The following CELF4 variants were observed in gnomAD, a reference collection of about 807,000 sequenced individuals.
CELF4 encodes the protein CUG-BP- and ETR-3-like factor 4.
In CELF4, 18 loss-of-function variants were observed where a neutral mutation model predicts 59.9. That is an observed-to-expected ratio of 0.30 (90% CI 0.21 to 0.45). CELF4 has a LOEUF of 0.45. CELF4 is among the 20% of genes least tolerant of loss of function. CELF4 has a pLI of 1.00. For missense variants in CELF4, 456 were observed against 689.0 expected, an observed-to-expected ratio of 0.66 and a Z score of 3.79; for synonymous variants, 261 against 267.1, an observed-to-expected ratio of 0.98 and a Z score of 0.22.
chr18:37,355,344 T>C lies in CELF4; in HGVS notation c.370-33463A>G, dbSNP rs150265505. On this transcript the variant is annotated intron_variant, in intron 2 of 12. Transcript: ENST00000420428. ...GTATATCTCTGTGTGTGCAGGTACATGTGGTGTAACATGGAAAGCTATAAA... is the reference window on the plus strand; with the variant it reads ...GTATATCTCTGTGTGTGCAGGTACACGTGGTGTAACATGGAAAGCTATAAA... Among the ~76,000 whole-genome samples, 244 of 152,230 alleles carry C rather than the reference T, an allele frequency of 1.6e-3. 2 individuals are homozygous for C. The highest frequency in any genetic ancestry group is 5.7e-3 in the African/African-American group (237 of 41,528).
chr18:37,504,075 T>C (rs2099934769), intron 1 of CELF4, among the ~76,000 whole-genome samples: 1 of 152,222 alleles, frequency 6.6e-6, no homozygotes, highest in Non-Finnish European at 1.5e-5. Flanking sequence ...ACGTGGGTTT[T>C]ATGCTCACAG....
intron 1 of CELF4, among the ~76,000 whole-genome samples, chr18:37,508,470 G>A (rs2099940660): frequency 6.6e-6 from 1 of 152,206 alleles, no homozygotes; most frequent in South Asian, 2.1e-4. Flanking sequence ...CAGCAGCTGA[G>A]GTCTTTTGCG....
At chr18:37,565,084 C>T (rs961201865) in intron 1 of CELF4, among the ~76,000 whole-genome samples, 17 of 152,160 alleles carry the variant, frequency 1.1e-4, no homozygotes, top group African/African-American at 3.4e-4. Context: ...GCCCCGTCTC[C>T]TCGATCCCCT....
chr18:37,344,657 C>T (rs2098183471), intron 2 of CELF4, among the ~76,000 whole-genome samples: 2 of 152,208 alleles, frequency 1.3e-5, no homozygotes, highest in African/African-American at 4.8e-5. Flanking sequence ...ATGTGCACAG[C>T]TTTCTGTATT....
intron 2 of CELF4, among the ~76,000 whole-genome samples, chr18:37,344,984 C>T (rs558713747): frequency 6.6e-6 from 1 of 152,306 alleles, no homozygotes; most frequent in South Asian, 2.1e-4. Context: ...CCTGCCAGAA[C>T]CCACTTCCTG....
chr18:37,467,569 G>T (rs2154602410), intron 2 of CELF4, among the ~76,000 whole-genome samples: 1 of 152,292 alleles, frequency 6.6e-6, no homozygotes, highest in Middle Eastern at 3.4e-3. Flanking sequence ...CCACAGGGGA[G>T]CAGGCAGAGG....
chr18:37,260,521 G>A (rs573285299), intron 10 of CELF4, among the ~76,000 whole-genome samples: 1 of 152,304 alleles, frequency 6.6e-6, no homozygotes, highest in East Asian at 1.9e-4. Context: ...TGGAAACCTA[G>A]GCATGAGCTC....
chr18:37,347,780 G>A (rs1230551816), intron 2 of CELF4, among the ~76,000 whole-genome samples: 3 of 152,182 alleles, frequency 2.0e-5, no homozygotes, highest in South Asian at 4.1e-4. Flanking sequence ...GGTTGCAGCA[G>A]GTGAGAGGCC....
chr18:37,505,423 G>A (rs1307490377), intron 1 of CELF4, among the ~76,000 whole-genome samples: 2 of 152,234 alleles, frequency 1.3e-5, no homozygotes, highest in Non-Finnish European at 2.9e-5. Context: ...CATCCACCAT[G>A]GGGTCTGCCT....
intron 2 of CELF4, among the ~76,000 whole-genome samples, chr18:37,407,979 T>A (rs559998105): frequency 1.4e-4 from 22 of 152,304 alleles, no homozygotes; most frequent in African/African-American, 5.1e-4. Context: ...AAAGGATTTT[T>A]AAAAGGACTG....
chr18:37,343,918 TC>T (rs1489067258), intron 2 of CELF4, among the ~76,000 whole-genome samples: 1 of 152,080 alleles, frequency 6.6e-6, no homozygotes, highest in Non-Finnish European at 1.5e-5. Context: ...CTTCCCTCCC[TC>T]CTTCACCCTG....
chr18:37,478,258 C>A (rs561652980), intron 2 of CELF4, among the ~76,000 whole-genome samples: 1 of 152,166 alleles, frequency 6.6e-6, no homozygotes, highest in Non-Finnish European at 1.5e-5. Flanking sequence ...AGGGAGGGTC[C>A]GGGCTCATTG....
At chr18:37,443,814 C>T (rs183025374) in intron 2 of CELF4, among the ~76,000 whole-genome samples, 1 of 152,290 alleles carries the variant, frequency 6.6e-6, no homozygotes, top group Non-Finnish European at 1.5e-5. Flanking sequence ...CATAATTCAT[C>T]CGCCCTCCAT....
intron 3 of CELF4, chr18:37,306,462 C>T (rs902585587): frequency 1.3e-5 from 2 of 152,364 alleles, no homozygotes; most frequent in Non-Finnish European, 2.9e-5. Flanking sequence ...TGCCCCAGGA[C>T]AGGGGACACA....
rs1034939549 is a variant in CELF4 at position 37,245,927 on chromosome 18, C to G, written c.*45-730G>C. ...ACTTCAAGGGAGTGGATGGGAAAAC[C>G]TAAAAAAGGTCAGAAGAGATTTAAT... On this transcript the variant is annotated intron_variant, in intron 12 of 12. Transcript: ENST00000420428. This position sits in a 1 kb window ranked among gnomAD's most constrained non-coding sequence, Gnocchi z 4.1. 1.3e-5 allele frequency among the ~76,000 whole-genome samples: 2 copies of G among 152,012 alleles called. No individual in the cohort carries two copies. Among genetic ancestry groups the G allele is most frequent in the African/African-American group, 4.8e-5 (2 of 41,388 alleles).
chr18:37,326,702 G>A (rs986509022), intron 2 of CELF4, among the ~76,000 whole-genome samples: 8 of 152,146 alleles, frequency 5.3e-5, no homozygotes, highest in South Asian at 2.1e-4. Context: ...ACTTCCAGCC[G>A]GGCGCCCCTC....
intron 2 of CELF4, among the ~76,000 whole-genome samples, chr18:37,433,586 T>C (rs547658982): frequency 2.6e-5 from 4 of 152,216 alleles, no homozygotes; most frequent in African/African-American, 4.8e-5. Flanking sequence ...TTGGGAGTTA[T>C]CTCAAAGTGC....
At chr18:37,486,399 C>G (rs1400656855) in intron 1 of CELF4, among the ~76,000 whole-genome samples, 1 of 145,118 alleles carries the variant, frequency 6.9e-6, no homozygotes, top group African/African-American at 2.5e-5. Context: ...GGCCACACCC[C>G]ACCTCCTCGC....
intron 3 of CELF4, among the ~76,000 whole-genome samples, chr18:37,292,891 C>T (rs1251791827): frequency 1.3e-5 from 2 of 152,176 alleles, no homozygotes; most frequent in African/African-American, 4.8e-5. Context: ...GTAAATTAGT[C>T]ATTAGTCTAA....
Sources: gnomAD v4.1 joint callset for allele counts (sites outside exome capture counted in the v4.1 genomes callset) on GRCh38, gnomAD v4.1.1 for gene constraint, Gnocchi (gnomAD v3.1) non-coding constraint, MANE v1.5 for transcripts, NCBI Gene and HGNC (gene_info 2026-07-23, HGNC 2026-07-21) for gene names.